RAB38: variants seen among roughly 807,000 people sequenced by gnomAD.
RAB38 encodes the protein RAB38, member RAS oncogene family.
A neutral mutation model predicts 18.4 loss-of-function variants in RAB38; 15 were observed. The ratio of observed to expected loss-of-function variants is 0.82; its 90% CI spans 0.55 to 1.26. The LOEUF (loss-of-function observed/expected upper bound fraction) is 1.26. Among genes scored for constraint, RAB38 ranks in the 50% most tolerant of loss-of-function variants. The probability of loss-of-function intolerance (pLI) is 0.00; values close to 1 mark genes in which losing one functional copy is unlikely to be tolerated. For synonymous variants in RAB38, 101 were observed against 104.4 expected, an observed-to-expected ratio of 0.97 and a Z score of 0.20; for missense variants, 294 against 267.4, an observed-to-expected ratio of 1.10 and a Z score of -0.69.
At chr11:87,894,730 A>G in the RAB38 span, among the ~76,000 whole-genome samples, 1 of 149,532 alleles carries the variant, frequency 6.7e-6, no homozygotes, top group East Asian at 2.0e-4. Context: ...TACACATTAT[A>G]TATATATAAA....
chr11:87,936,292 A>C, the RAB38 span, among the ~76,000 whole-genome samples: 2 of 151,980 alleles, frequency 1.3e-5, no homozygotes, highest in African/African-American at 4.8e-5. Flanking sequence ...TGTAAGCCCA[A>C]GTTCCATTTT....
At chr11:88,064,760 G>A in the RAB38 span, among the ~76,000 whole-genome samples, 20 of 152,086 alleles carry the variant, frequency 1.3e-4, no homozygotes, top group African/African-American at 4.8e-4. Context: ...TGACAGTTTG[G>A]GGAATTCATT....
the RAB38 span, among the ~76,000 whole-genome samples, chr11:87,952,903 C>G: frequency 6.6e-6 from 1 of 152,036 alleles, no homozygotes; most frequent in African/African-American, 2.4e-5. Flanking sequence ...TCTGAGATAA[C>G]CACTGTGTTT....
Position 88,145,014 on chromosome 11 carries a change from T to A in RAB38, c.483+4661A>T, listed in dbSNP as rs541222603. Among the ~76,000 whole-genome samples the A allele has an allele frequency of 7.9e-5, 12 of 152,294 alleles. 1 individual carries two copies. Among genetic ancestry groups the A allele is most frequent in the African/African-American group, 2.9e-4 (12 of 41,564 alleles). On this transcript the variant is annotated intron_variant, in intron 2 of 2. Coordinates refer to ENST00000243662, the MANE Select transcript of RAB38 (RefSeq NM_022337.3). Reference sequence around the variant, plus strand: ...CCTTTTCACCAGAGTATGGCTGTTGTGTGCATCACGGCTAGATCGGCGTAT... The same window carrying A: ...CCTTTTCACCAGAGTATGGCTGTTGAGTGCATCACGGCTAGATCGGCGTAT...
At chr11:88,087,929 C>A in the RAB38 span, among the ~76,000 whole-genome samples, 2 of 152,000 alleles carry the variant, frequency 1.3e-5, no homozygotes, top group East Asian at 3.9e-4. Flanking sequence ...CCTCATCTCC[C>A]ACTTGGAGGT....
At chr11:87,937,216 C>T in the RAB38 span, among the ~76,000 whole-genome samples, 2 of 150,206 alleles carry the variant, frequency 1.3e-5, no homozygotes, top group Non-Finnish European at 3.0e-5. Flanking sequence ...GATCAGGTAA[C>T]TGCTCTTCTT....
At chr11:87,880,955 A>G in the RAB38 span, among the ~76,000 whole-genome samples, 2 of 151,838 alleles carry the variant, frequency 1.3e-5, no homozygotes, top group Non-Finnish European at 2.9e-5. Flanking sequence ...ACTAGTGCTG[A>G]GTGCTATGGT....
chr11:87,866,488 A>G, the RAB38 span, among the ~76,000 whole-genome samples: 2 of 151,702 alleles, frequency 1.3e-5, no homozygotes, highest in Admixed American at 6.6e-5. Context: ...TTACCTTTCT[A>G]TCATAACTGA....
chr11:87,886,008 G>T, the RAB38 span, among the ~76,000 whole-genome samples: 1 of 152,046 alleles, frequency 6.6e-6, no homozygotes, highest in South Asian at 2.1e-4. Context: ...TGCTAGACTT[G>T]CTGGCTCCTT....
intron 1 of RAB38, chr11:88,173,493 T>C (rs1943335754): frequency 2.0e-6 from 2 of 979,956 alleles, no homozygotes; most frequent in Non-Finnish European, 2.4e-6. Context: ...TATTAATCAC[T>C]GTACCCTTCC....
chr11:87,868,275 C>A, the RAB38 span, among the ~76,000 whole-genome samples: 1 of 151,506 alleles, frequency 6.6e-6, no homozygotes, highest in Admixed American at 6.6e-5. Flanking sequence ...GAGCCTGGCA[C>A]CTCTTTCCTC....
the RAB38 span, among the ~76,000 whole-genome samples, chr11:87,926,512 T>TTTGTTTG: frequency 6.6e-6 from 1 of 150,864 alleles, no homozygotes; most frequent in East Asian, 2.0e-4. Context: ...ATGGTGGTTT[T>TTTGTTTG]TTTGTTTGTT....
At chr11:88,150,094 T>C in intron 1 of RAB38, 139 bp from the exon 2 acceptor site, 1 of 887,706 alleles carries the variant, frequency 1.1e-6, no homozygotes, top group Non-Finnish European at 1.7e-6. Context: ...AAGAGCGAAC[T>C]AAATATGCAA....
At chr11:88,159,985 A>G (rs1188832949) in intron 1 of RAB38, among the ~76,000 whole-genome samples, 2 of 152,074 alleles carry the variant, frequency 1.3e-5, no homozygotes, top group Non-Finnish European at 2.9e-5. Context: ...AAGTGGAACC[A>G]ATTAAACTAG....
At chr11:88,048,216 C>A in the RAB38 span, among the ~76,000 whole-genome samples, 72 of 152,284 alleles carry the variant, frequency 4.7e-4, no homozygotes, top group African/African-American at 1.6e-3. Context: ...TGGGTAGACA[C>A]TTTCACTGGA....
the RAB38 span, among the ~76,000 whole-genome samples, chr11:87,903,994 A>G: frequency 7.3e-5 from 11 of 151,044 alleles, no homozygotes; most frequent in East Asian, 2.0e-4. Context: ...TGTGAATTCT[A>G]TGTATTATTT....
chr11:87,809,410 C>CCAGG, the RAB38 span, among the ~76,000 whole-genome samples: 1 of 152,152 alleles, frequency 6.6e-6, no homozygotes. Context: ...CTTGATCTTG[C>CCAGG]CAGGGCTGCA....
At chr11:87,852,267 G>A in the RAB38 span, among the ~76,000 whole-genome samples, 195 of 152,256 alleles carry the variant, frequency 1.3e-3, 1 homozygote, top group African/African-American at 4.5e-3. Context: ...AAGGTCAGAG[G>A]AAAGGTGAAA....
the RAB38 span, among the ~76,000 whole-genome samples, chr11:87,871,938 C>T: frequency 1.3e-5 from 2 of 151,500 alleles, no homozygotes; most frequent in African/African-American, 4.8e-5. Context: ...TTGACTATTA[C>T]AAATAATGCT....
Sources: allele counts gnomAD v4.1 joint callset (sites outside exome capture counted in the v4.1 genomes callset), GRCh38; gene constraint gnomAD v4.1.1; transcripts MANE v1.5; gene names NCBI Gene and HGNC (gene_info 2026-07-23, HGNC 2026-07-21).